The following DMD variants were observed in gnomAD, a reference collection of about 807,000 sequenced individuals.
DMD encodes mutant dystrophin.
DMD carries 63 observed loss-of-function variants against 330.1 expected under a neutral mutation model. The observed-to-expected ratio is 0.19, with a 90% CI of 0.16 to 0.24. The LOEUF (loss-of-function observed/expected upper bound fraction) is 0.24. DMD is among the 10% of genes least tolerant of loss of function. DMD has a pLI of 1.00. For synonymous variants in DMD, 1,223 were observed against 959.8 expected (o/e 1.27, Z -5.07); for missense variants, 3,344 against 2,684.1 (o/e 1.25, Z -5.43).
chrX:32,681,987 G>A (rs776910859), intron 9 of DMD, among the ~76,000 whole-genome samples: 3 of 111,656 alleles, frequency 2.7e-5, no homozygotes, highest in South Asian at 3.8e-4. Context: ...TATGCTTGGC[G>A]TATTTGATGC....
intron 45 of DMD, among the ~76,000 whole-genome samples, chrX:31,949,951 T>C (rs1030783498): frequency 1.8e-5 from 2 of 110,180 alleles, no homozygotes; most frequent in Non-Finnish European, 3.8e-5. Flanking sequence ...CAAAGATTAA[T>C]GTATGGTTTC....
At chrX:31,870,027 C>T (rs1330542342) in intron 48 of DMD, among the ~76,000 whole-genome samples, 3 of 111,677 alleles carry the variant, frequency 2.7e-5, no homozygotes, top group East Asian at 2.8e-4. Context: ...TGTCAGAGTT[C>T]GTTCAGCTAG....
chrX:32,440,626 A>G (rs1029585505), intron 28 of DMD, among the ~76,000 whole-genome samples: 2 of 111,789 alleles, frequency 1.8e-5, no homozygotes, highest in Non-Finnish European at 3.8e-5. Context: ...TCAAGTTTAT[A>G]AATGCAAACT....
chrX:32,727,242 T>C (rs905611029), intron 7 of DMD, among the ~76,000 whole-genome samples: 2 of 111,527 alleles, frequency 1.8e-5, no homozygotes, highest in African/African-American at 6.5e-5. Flanking sequence ...TCTGCCCAGA[T>C]TGGCTTAGAT....
chrX:32,960,377 A>C (rs2091834659), intron 2 of DMD: 1 of 111,735 alleles, frequency 8.9e-6, no homozygotes, highest in African/African-American at 3.3e-5. Flanking sequence ...ATAGCTTCTA[A>C]CAGGTCAAAG....
chrX:31,379,095 C>T (rs907482764), intron 60 of DMD, among the ~76,000 whole-genome samples: 2 of 110,369 alleles, frequency 1.8e-5, no homozygotes, highest in African/African-American at 6.6e-5. Context: ...TTCTTTCCCT[C>T]CCACCTGTCC....
Position 31,805,259 on chromosome X carries a change from TAGTC to T in DMD, c.7309+14712_7309+14715del, listed in dbSNP as rs1400416852. ...CCTAACTAATTCATTATTTAAATGA[TAGTC>T]AGTTGAAGTGGCATTATCATAGCTC... On this transcript the variant is annotated intron_variant, in intron 50 of 78. Transcript: ENST00000357033. 6.3e-5 allele frequency among the ~76,000 whole-genome samples: 7 copies of T among 111,907 alleles called. No individual in the cohort carries two copies. The East Asian group carries it at 2.0e-3, about 31-fold the overall frequency.
intron 7 of DMD, among the ~76,000 whole-genome samples, chrX:32,717,569 G>A (rs1050045835): frequency 8.9e-6 from 1 of 111,880 alleles, no homozygotes; most frequent in Admixed American, 9.4e-5. Flanking sequence ...TACTAGGGCA[G>A]TGCAGAAGGG....
intron 61 of DMD, among the ~76,000 whole-genome samples, chrX:31,324,012 A>G (rs1333790138): frequency 9.0e-6 from 1 of 110,715 alleles, no homozygotes; most frequent in Non-Finnish European, 1.9e-5. Flanking sequence ...GGTTCTCAAT[A>G]TTTTTTACTA....
At chrX:32,699,681 A>G (rs778618738) in intron 7 of DMD, among the ~76,000 whole-genome samples, 81 of 111,848 alleles carry the variant, frequency 7.2e-4, no homozygotes, top group Middle Eastern at 9.3e-3. Context: ...TGCACTGGTA[A>G]TTAAACAAAT....
At chrX:33,006,890 C>A (rs1407225191) in intron 2 of DMD, among the ~76,000 whole-genome samples, 1 of 111,106 alleles carries the variant, frequency 9.0e-6, no homozygotes, top group African/African-American at 3.3e-5. Flanking sequence ...ACCATCCCAT[C>A]CTTCCTTTTG....
At chrX:32,653,686 T>C (rs1335218565) in intron 9 of DMD, among the ~76,000 whole-genome samples, 2 of 111,986 alleles carry the variant, frequency 1.8e-5, no homozygotes, top group Non-Finnish European at 1.9e-5. Flanking sequence ...TTTTTCCAAT[T>C]CCGTGTAGAA....
intron 18 of DMD, among the ~76,000 whole-genome samples, chrX:32,504,124 A>G (rs1431256080): frequency 8.9e-6 from 1 of 112,070 alleles, no homozygotes; most frequent in East Asian, 2.8e-4. Flanking sequence ...CACAACATCT[A>G]CATGCAAAAA....
intron 53 of DMD, among the ~76,000 whole-genome samples, chrX:31,677,921 A>C (rs753486579): frequency 1.5e-4 from 17 of 112,251 alleles, no homozygotes; most frequent in Non-Finnish European, 7.5e-5. Context: ...AGTGATATAC[A>C]TAATTTCCAG....
At chrX:32,033,681 GAAA>G (rs1410753940) in intron 44 of DMD, among the ~76,000 whole-genome samples, 2 of 99,541 alleles carry the variant, frequency 2.0e-5, no homozygotes, top group Admixed American at 1.1e-4. Context: ...AGGAAGGAAA[GAAA>G]GAAAGAGAAA....
At chrX:31,434,310 G>A (rs7063535) in intron 60 of DMD, among the ~76,000 whole-genome samples, 24,036 of 109,097 alleles carry the variant, frequency 0.22, 3,030 homozygotes, top group African/African-American at 0.46. Context: ...ATGAATAGAA[G>A]AGTCACTCAG....
At chrX:31,904,166 T>C (rs1242342638) in intron 47 of DMD, among the ~76,000 whole-genome samples, 1 of 111,579 alleles carries the variant, frequency 9.0e-6, no homozygotes, top group Non-Finnish European at 1.9e-5. Flanking sequence ...CCCAACCCCA[T>C]GTACTTTTTG....
chrX:31,680,087 G>C (rs2082291347), intron 52 of DMD, among the ~76,000 whole-genome samples: 1 of 111,951 alleles, frequency 8.9e-6, no homozygotes, highest in Admixed American at 9.5e-5. Context: ...TAGGAATTGG[G>C]ATATTGTTAC....
chrX:31,599,108 T>C (rs1193814089), intron 55 of DMD, among the ~76,000 whole-genome samples: 1 of 112,102 alleles, frequency 8.9e-6, no homozygotes, highest in South Asian at 3.7e-4. Flanking sequence ...GAAGGCTGAA[T>C]GGTAAACATA....
Sources: allele counts gnomAD v4.1 joint callset (sites outside exome capture counted in the v4.1 genomes callset), GRCh38; gene constraint gnomAD v4.1.1; transcripts MANE v1.5; gene names NCBI Gene and HGNC (gene_info 2026-07-23, HGNC 2026-07-21).